UGGT2: variants seen among roughly 807,000 people sequenced by gnomAD.
UGGT2 encodes the protein UDP-glucose:glycoprotein glucosyltransferase 2.
Under a neutral mutation model 192.1 loss-of-function variants are expected in UGGT2, and 180 were observed. That is an observed-to-expected ratio of 0.94 (90% CI 0.83 to 1.06). The LOEUF is 1.06. UGGT2 is among the 50% of genes least tolerant of loss of function. UGGT2 has a pLI of 0.00. For synonymous variants in UGGT2, 580 were observed against 591.0 expected (o/e 0.98, Z 0.27); for missense variants, 1,849 against 1,795.7 (o/e 1.03, Z -0.54).
intron 9 of UGGT2, 88 bp from the exon 10 acceptor site, chr13:95,983,952 A>G: frequency 1.2e-6 from 1 of 836,578 alleles, no homozygotes. Context: ...TACTTTGGAT[A>G]AGAAGCTAAA....
rs568076780 is a variant in UGGT2 at position 96,047,150 on chromosome 13, T to C, written c.158+6005A>G. Among the ~76,000 whole-genome samples the C allele has an allele frequency of 5.9e-5, 9 of 152,318 alleles. 1 individual carries two copies. The South Asian group carries it at 1.2e-3, about 21-fold the overall frequency. On this transcript the variant is annotated intron_variant, in intron 1 of 38. Transcript: ENST00000376747. ...TTCTCCCAGCACGGAGTTTGAGATC[T>C]GAGAACAGACAGACTGCCTCCTCAA... is the stretch of plus-strand genomic sequence containing the variant.
Position 95,856,300 on chromosome 13 carries a change from T to G in UGGT2, c.3866A>C (p.Tyr1289Ser), listed in dbSNP as rs749336758. 1 of 1,612,458 alleles carries G rather than the reference T, an allele frequency of 6.2e-7. No individual in the cohort carries two copies. Among genetic ancestry groups the G allele is most frequent in the Non-Finnish European group, 8.5e-7 (1 of 1,179,568 alleles). ...PHMAKEYGFR[Y>S]ELVQYRWPRW... is the part of the protein sequence containing the mutation. ...GGGCCACCTATATTGAACTAGTTCA[T>G]ATCGGAATCCATACTCTTTAGCCAT... Residue 1289 changes from tyrosine to serine, a missense_variant, in exon 34 of 39, where the codon TAT becomes TCT. Coordinates refer to ENST00000376747, the MANE Select transcript of UGGT2 (RefSeq NM_020121.4).
At chr13:95,924,807 A>T (rs2048968883) in intron 20 of UGGT2, among the ~76,000 whole-genome samples, 2 of 152,188 alleles carry the variant, frequency 1.3e-5, no homozygotes, top group South Asian at 4.1e-4. Flanking sequence ...AAGCCAGTGA[A>T]ACACTGAGGA....
At chr13:95,932,193 A>C (rs2049304195) in intron 17 of UGGT2, among the ~76,000 whole-genome samples, 1 of 152,120 alleles carries the variant, frequency 6.6e-6, no homozygotes. Context: ...CCAATCCGTG[A>C]GCATGGAATG....
At chr13:96,013,276 A>C (rs769329699) in intron 5 of UGGT2, 31 bp downstream of exon 5, 1 of 1,529,528 alleles carries the variant, frequency 6.5e-7, no homozygotes, top group South Asian at 1.3e-5. Context: ...TTCTACAGCC[A>C]AAAGCAACCT....
At chr13:95,827,122 C>T (rs1190963146) in intron 38 of UGGT2, among the ~76,000 whole-genome samples, 1 of 152,072 alleles carries the variant, frequency 6.6e-6, no homozygotes, top group Non-Finnish European at 1.5e-5. Flanking sequence ...AGGCAACAAT[C>T]CTCTAGAAAA....
chr13:95,987,596 T>A (rs998686830), intron 8 of UGGT2, among the ~76,000 whole-genome samples: 2 of 152,152 alleles, frequency 1.3e-5, no homozygotes, highest in African/African-American at 4.8e-5. Flanking sequence ...AAAGAGACTA[T>A]CTGAAATTAT....
At chr13:95,905,158 G>A (rs1378710085) in intron 20 of UGGT2, among the ~76,000 whole-genome samples, 5 of 152,088 alleles carry the variant, frequency 3.3e-5, no homozygotes, top group Non-Finnish European at 5.9e-5. Context: ...TTTTTTTCGT[G>A]TAAATTTGTT....
intron 32 of UGGT2, among the ~76,000 whole-genome samples, chr13:95,860,296 T>A (rs1042313421): frequency 6.7e-6 from 1 of 149,188 alleles, no homozygotes; most frequent in Non-Finnish European, 1.5e-5. Context: ...GATAATTTAC[T>A]ATAGTAAATT....
Position 95,887,955 on chromosome 13 carries a change from A to G in UGGT2, c.2975T>C (p.Ile992Thr), listed in dbSNP as rs777162662. ...AQLLVVLGKIINMKIKLFMNC... is the reference protein window; with the variant it reads ...AQLLVVLGKITNMKIKLFMNC... ...CATGAACAACTTTATCTTCATGTTG[A>G]TAATCTTGCCAAGTACCTATTGGAA... Residue 992 changes from isoleucine to threonine, a missense_variant, in exon 26 of 39, where the codon ATC becomes ACC. Transcript: ENST00000376747. 8.1e-6 allele frequency: 13 copies of G among 1,602,556 alleles called. No homozygotes were observed.
intron 36 of UGGT2, among the ~76,000 whole-genome samples, chr13:95,847,900 A>G (rs1382030381): frequency 6.6e-6 from 1 of 152,244 alleles, no homozygotes; most frequent in African/African-American, 2.4e-5. Context: ...CAAAGTGACT[A>G]TACCATTTTG....
intron 1 of UGGT2, among the ~76,000 whole-genome samples, chr13:96,051,987 C>G (rs1432349848): frequency 6.6e-6 from 1 of 152,076 alleles, no homozygotes; most frequent in Non-Finnish European, 1.5e-5. Context: ...GGTATCTACC[C>G]AGAGGAAAAG....
At chr13:95,977,586 A>G (rs943019490) in intron 10 of UGGT2, among the ~76,000 whole-genome samples, 17 of 152,224 alleles carry the variant, frequency 1.1e-4, no homozygotes, top group African/African-American at 3.9e-4. Flanking sequence ...ATGCTTTTAC[A>G]CTATTGATGG....
intron 38 of UGGT2, among the ~76,000 whole-genome samples, chr13:95,827,828 A>T (rs896309935): frequency 1.3e-5 from 2 of 152,164 alleles, no homozygotes; most frequent in Admixed American, 6.6e-5. Flanking sequence ...GGGATTTCTG[A>T]CATCAGAATC....
At chr13:95,829,054 A>G (rs1423569255) in intron 38 of UGGT2, among the ~76,000 whole-genome samples, 4 of 152,220 alleles carry the variant, frequency 2.6e-5, no homozygotes, top group African/African-American at 4.8e-5. Flanking sequence ...TATAAACAGA[A>G]CCAAAGACAA....
intron 28 of UGGT2, 142 bp downstream of exon 28, chr13:95,877,556 A>G (rs1277187909): frequency 1.8e-6 from 2 of 1,093,906 alleles, no homozygotes; most frequent in Non-Finnish European, 2.5e-6. Flanking sequence ...CCCATTTTTT[A>G]TTTATCTTAT....
At chr13:95,930,193 T>G (rs989106934) in intron 17 of UGGT2, among the ~76,000 whole-genome samples, 2 of 152,244 alleles carry the variant, frequency 1.3e-5, no homozygotes, top group African/African-American at 4.8e-5. Context: ...ATATACAGTT[T>G]GTGAATATTT....
rs558088742 is a variant in UGGT2, at chr13:95,803,109, C to T, written c.4529-1297G>A. Among the ~76,000 whole-genome samples the T allele has an allele frequency of 2.0e-5, 3 of 152,280 alleles. No individual in the cohort carries two copies. In the South Asian group the frequency reaches 6.2e-4, roughly 32 times the overall value. ...TTGGCCTCCCAAAGTGCTGGGATTACAGGCGTAAGCCACTGTGCCCAGCCG... is the reference window on the plus strand; with the variant it reads ...TTGGCCTCCCAAAGTGCTGGGATTATAGGCGTAAGCCACTGTGCCCAGCCG... On this transcript the variant is annotated intron_variant, in intron 38 of 38. Transcript: ENST00000376747.
intron 12 of UGGT2, among the ~76,000 whole-genome samples, chr13:95,949,868 A>C (rs1055915912): frequency 6.6e-6 from 1 of 152,204 alleles, no homozygotes; most frequent in East Asian, 1.9e-4. Context: ...TAAATTATAA[A>C]ATCAACATCT....
Sources: gnomAD v4.1 joint callset for allele counts (sites outside exome capture counted in the v4.1 genomes callset) on GRCh38, gnomAD v4.1.1 for gene constraint, MANE v1.5 for transcripts, NCBI Gene and HGNC (gene_info 2026-07-23, HGNC 2026-07-21) for gene names.